Variants in FAT3 observed in about 807,000 individuals in gnomAD.
The protein encoded by FAT3 is protocadherin Fat 3.
Under a neutral mutation model 310.2 loss-of-function variants are expected in FAT3, and 95 were observed. The observed-to-expected ratio is 0.31, with a 90% CI of 0.26 to 0.36. The LOEUF (loss-of-function observed/expected upper bound fraction) is 0.36, where lower values mean the gene tolerates loss of function less well. Among genes scored for constraint, FAT3 ranks in the 10% least tolerant of loss-of-function variants. The pLI, the probability that FAT3 is intolerant of heterozygous loss-of-function variation, is 1.00. For missense variants in FAT3, 5,408 were observed against 5,715.6 expected (o/e 0.95, Z 1.74); for synonymous variants, 2,314 against 2,192.9 (o/e 1.06, Z -1.54).
chr11:92,437,509 C>T (rs1025462387), intron 2 of FAT3, among the ~76,000 whole-genome samples: 1 of 152,072 alleles, frequency 6.6e-6, no homozygotes, highest in African/African-American at 2.4e-5. Context: ...TTTAAGTAAA[C>T]AAAATGAGGT....
chr11:92,415,849 CTT>C (rs1196695394), intron 2 of FAT3, among the ~76,000 whole-genome samples: 704 of 70,390 alleles, frequency 0.01, 4 homozygotes, highest in African/African-American at 0.036. Context: ...AGCATTTTTG[CTT>C]TTTTTTTTTT....
chr11:92,840,727 A>G lies in FAT3; in HGVS notation c.10534A>G (p.Thr3512Ala), dbSNP rs1390644184. The change falls in exon 18 of 28, where the codon ACA (threonine) becomes GCA (alanine). Residue 3512 changes from threonine (T) to alanine (A), a missense_variant. Physicochemically the swap from Thr to Ala is moderately conservative, Grantham distance 58. This residue lies in a region of FAT3 where 4,588 missense variants were observed against 4,809.8 expected (regional missense o/e 0.95). Coordinates refer to ENST00000525166, the MANE Select transcript of FAT3 (RefSeq NM_001367949.2). Reference sequence around the variant, plus strand: ...GCGGTCGGCTGTGGTCTTCCAGCACACAGAGTCTCTGGAATACGTGTTGTG... The same window carrying G: ...GCGGTCGGCTGTGGTCTTCCAGCACGCAGAGTCTCTGGAATACGTGTTGTG... ...ILRSAVVFQH[T>A]ESLEYVLCVQ... is the part of the protein sequence containing the mutation. 25 of 1,602,894 alleles carry G rather than the reference A, an allele frequency of 1.6e-5. No homozygotes were observed. Among genetic ancestry groups the G allele is most frequent in the Non-Finnish European group, 2.0e-5 (24 of 1,170,820 alleles).
chr11:92,426,335 G>A (rs190018968), intron 2 of FAT3, among the ~76,000 whole-genome samples: 1 of 152,248 alleles, frequency 6.6e-6, no homozygotes, highest in East Asian at 1.9e-4. Flanking sequence ...TAGGTTGCCT[G>A]TTCACTCTGA....
At chr11:92,682,714 C>G (rs756246660) in intron 3 of FAT3, among the ~76,000 whole-genome samples, 2 of 152,068 alleles carry the variant, frequency 1.3e-5, no homozygotes, top group African/African-American at 4.8e-5. Context: ...CTTGGGCAAA[C>G]GGGGATGGTT....
At chr11:92,438,619 A>G (rs1394380760) in intron 2 of FAT3, among the ~76,000 whole-genome samples, 10 of 152,172 alleles carry the variant, frequency 6.6e-5, no homozygotes, top group Admixed American at 5.2e-4. Flanking sequence ...TTCATAATCG[A>G]AACAATTTTG....
At chr11:92,843,450 TA>T in intron 18 of FAT3, among the ~76,000 whole-genome samples, 1 of 152,246 alleles carries the variant, frequency 6.6e-6, no homozygotes, top group East Asian at 1.9e-4. Flanking sequence ...TATTATATTT[TA>T]TTTGAAACCT....
chr11:92,486,776 TCA>T (rs1263414440), intron 2 of FAT3, among the ~76,000 whole-genome samples: 1 of 152,194 alleles, frequency 6.6e-6, no homozygotes, highest in African/African-American at 2.4e-5. Flanking sequence ...AGCTTTCTTT[TCA>T]CAGAGGTGAA....
intron 2 of FAT3, among the ~76,000 whole-genome samples, chr11:92,507,373 A>G (rs1953137353): frequency 6.6e-6 from 1 of 152,158 alleles, no homozygotes; most frequent in Non-Finnish European, 1.5e-5. Context: ...GGTTATAAAT[A>G]GGAAAGCAAA....
In FAT3 at chr11:92,891,329, G is replaced by T. The variant is rs1449845620; in HGVS notation, c.*216G>T. On this transcript the variant is annotated 3_prime_UTR_variant, in exon 28 of 28. Transcript: ENST00000525166. ...CAGAAATTGTTTTTGAGAGGTGACT[G>T]GTAATCCTTGATGTAGGTACCTATG... The T allele has an allele frequency of 1.6e-6, 1 of 635,550 alleles. No homozygotes were observed. Among genetic ancestry groups the T allele is most frequent in the Non-Finnish European group, 2.6e-6 (1 of 378,450 alleles). The allele number at this position is 635,550 out of a possible 1,614,324, so 39.4% of individuals were successfully genotyped here. A position where few individuals can be genotyped will look rare whatever the true frequency, so the allele number is the denominator to read the frequency against.
chr11:92,253,865 T>A (rs1865219365), intron 1 of FAT3, among the ~76,000 whole-genome samples: 1 of 152,148 alleles, frequency 6.6e-6, no homozygotes, highest in Non-Finnish European at 1.5e-5. Context: ...GATTCAGAGT[T>A]ATAGAATATT....
At chr11:92,406,913 T>G (rs917274154) in intron 2 of FAT3, among the ~76,000 whole-genome samples, 5 of 152,254 alleles carry the variant, frequency 3.3e-5, no homozygotes, top group African/African-American at 1.2e-4. Flanking sequence ...AGGAATCCAC[T>G]CTACAGAGCA....
chr11:92,314,212 AGTTTTGTG>A, intron 1 of FAT3: 2 of 665,602 alleles, frequency 3.0e-6, no homozygotes, highest in South Asian at 1.3e-4. Context: ...CTAGGAATGA[AGTTTTGTG>A]GTTTTGGCTA....
rs75183864 is a variant in FAT3, at chr11:92,837,580, C to T, written c.10225-83C>T. 1,320 of 1,517,610 alleles carry T rather than the reference C, an allele frequency of 8.7e-4. 11 individuals are homozygous for T. In the African/African-American group the frequency reaches 0.016, roughly 19 times the overall value. 94.0% of individuals were successfully genotyped at this position (1,517,610 alleles called of 1,614,324 possible). A position where few individuals can be genotyped will look rare whatever the true frequency, so the allele number is the denominator to read the frequency against. ...ATGGTTGCTCTTTAACAAAGCACAG[C>T]CTGTAGCTCCAGTTCCTCTGTGTGT... On this transcript the variant is annotated intron_variant, in intron 16 of 27. Transcript: ENST00000525166.
chr11:92,291,221 G>C (rs1741132454), intron 1 of FAT3, among the ~76,000 whole-genome samples: 1 of 151,980 alleles, frequency 6.6e-6, no homozygotes, highest in Non-Finnish European at 1.5e-5. Flanking sequence ...TGTGTAGGCG[G>C]CAGAGTCAAG....
chr11:92,563,387 C>G (rs1346072919), intron 3 of FAT3, among the ~76,000 whole-genome samples: 1 of 152,276 alleles, frequency 6.6e-6, no homozygotes, highest in Non-Finnish European at 1.5e-5. Flanking sequence ...ACATTTTGAG[C>G]AGGCATTCCC....
At chr11:92,875,789 A>C (rs1949518464) in intron 22 of FAT3, among the ~76,000 whole-genome samples, 1 of 152,204 alleles carries the variant, frequency 6.6e-6, no homozygotes, top group African/African-American at 2.4e-5. Flanking sequence ...TAATCAGCCA[A>C]GCTAGCTGCT....
intron 4 of FAT3, among the ~76,000 whole-genome samples, chr11:92,736,880 A>T (rs756440891): frequency 6.6e-6 from 1 of 152,038 alleles, no homozygotes; most frequent in Non-Finnish European, 1.5e-5. Flanking sequence ...AAGAGATATG[A>T]TCCTCCCACT....
intron 4 of FAT3, among the ~76,000 whole-genome samples, chr11:92,747,388 G>A (rs1247687355): frequency 1.3e-5 from 2 of 152,318 alleles, no homozygotes; most frequent in African/African-American, 4.8e-5. Flanking sequence ...GGGATGCAGG[G>A]CACCATGTCC....
intron 1 of FAT3, among the ~76,000 whole-genome samples, chr11:92,265,870 G>T (rs1365738521): frequency 6.6e-6 from 1 of 151,942 alleles, no homozygotes; most frequent in Non-Finnish European, 1.5e-5. Context: ...ACCACCTTGG[G>T]GTTAGATTCA....
Sources: allele counts gnomAD v4.1 joint callset (sites outside exome capture counted in the v4.1 genomes callset), GRCh38; gene constraint gnomAD v4.1.1; regional missense constraint gnomAD v4.1.1; transcripts MANE v1.5; gene names NCBI Gene and HGNC (gene_info 2026-07-23, HGNC 2026-07-21).